CCDC146: variants seen among roughly 807,000 people sequenced by gnomAD.
CCDC146 encodes the protein coiled-coil domain containing 146.
In CCDC146, 92 loss-of-function variants were observed where a neutral mutation model predicts 119.3. That is an observed-to-expected ratio of 0.77 (90% CI 0.65 to 0.92). CCDC146 has a LOEUF of 0.92. CCDC146 is among the 40% of genes least tolerant of loss of function. The probability of loss-of-function intolerance (pLI) is 0.00; values close to 1 mark genes in which losing one functional copy is unlikely to be tolerated. For synonymous variants in CCDC146, 372 were observed against 371.8 expected, an observed-to-expected ratio of 1.00 and a Z score of -0.01; for missense variants, 1,000 against 1,103.0, an observed-to-expected ratio of 0.91 and a Z score of 1.32.
At chr7:77,214,266 C>G (rs1218276039) in intron 2 of CCDC146, among the ~76,000 whole-genome samples, 1 of 152,110 alleles carries the variant, frequency 6.6e-6, no homozygotes, top group African/African-American at 2.4e-5. Context: ...TGGGAAGTGT[C>G]TGTTCATGTC....
intron 1 of CCDC146, among the ~76,000 whole-genome samples, chr7:77,129,589 A>G (rs1790753237): frequency 6.6e-6 from 1 of 152,066 alleles, no homozygotes; most frequent in Non-Finnish European, 1.5e-5. Flanking sequence ...TCAGTCATCC[A>G]CTGGGGATCT....
chr7:77,138,839 G>A (rs1562812739), intron 1 of CCDC146, among the ~76,000 whole-genome samples: 1 of 152,198 alleles, frequency 6.6e-6, no homozygotes. Context: ...TATTAGAATG[G>A]TCAAACTCCA....
In CCDC146 at chr7:77,294,682, A is replaced by G; in HGVS notation, c.2684A>G (p.Asn895Ser). ...TTGCAGGAGTTCTTGGAAGCAGATA[A>G]TCGCCAGCTGCCCAATGGTGTTTAC... ...EKSQEFLEAD[N>S]RQLPNGVYTT... The change falls in exon 19 of 19, where the codon AAT becomes AGT. Residue 895 changes from asparagine (N) to serine (S), a missense_variant. Asn to Ser is a conservative substitution (Grantham distance 46). Transcript: ENST00000285871. 6.2e-7 allele frequency: 1 copy of G among 1,614,184 alleles called. No individual in the cohort carries two copies. Among genetic ancestry groups the G allele is most frequent in the South Asian group, 1.1e-5 (1 of 91,082 alleles).
At chr7:77,259,331 A>G (rs1353544345) in intron 7 of CCDC146, 2 of 363,070 alleles carry the variant, frequency 5.5e-6, no homozygotes, top group East Asian at 5.5e-5. Context: ...GAGAAGTTCA[A>G]TTGACTTTAA....
chr7:77,225,451 G>C (rs190918467), intron 2 of CCDC146, among the ~76,000 whole-genome samples: 6 of 152,138 alleles, frequency 3.9e-5, no homozygotes, highest in South Asian at 2.1e-4. Flanking sequence ...TACTTGGGAG[G>C]CTGAGGCAGG....
intron 9 of CCDC146, among the ~76,000 whole-genome samples, chr7:77,263,970 T>C (rs1353759042): frequency 6.6e-6 from 1 of 152,198 alleles, no homozygotes; most frequent in Non-Finnish European, 1.5e-5. Flanking sequence ...AAATGTACTT[T>C]TATAGTCTTT....
At chr7:77,287,005 G>A (rs1272572173) in intron 16 of CCDC146, 79 bp downstream of exon 16, 4 of 1,477,540 alleles carry the variant, frequency 2.7e-6, no homozygotes, top group African/African-American at 2.8e-5. Context: ...ACTGTTTCAT[G>A]TTATGCTGAC....
At chr7:77,214,427 T>G (rs533820558) in intron 2 of CCDC146, among the ~76,000 whole-genome samples, 28 of 152,350 alleles carry the variant, frequency 1.8e-4, no homozygotes, top group African/African-American at 5.5e-4. Flanking sequence ...GATTGTTTCT[T>G]TGCTGTGCTG....
chr7:77,178,043 G>T (rs1345661539), intron 2 of CCDC146, among the ~76,000 whole-genome samples: 1 of 152,206 alleles, frequency 6.6e-6, no homozygotes, highest in East Asian at 1.9e-4. Context: ...CATTTACAAA[G>T]ATTGAATATT....
At chr7:77,209,920 G>A (rs1471718345) in intron 2 of CCDC146, among the ~76,000 whole-genome samples, 1 of 152,202 alleles carries the variant, frequency 6.6e-6, no homozygotes, top group Non-Finnish European at 1.5e-5. Flanking sequence ...ACAGAGCAGT[G>A]GGGCCCTAGG....
At chr7:77,172,676 C>A (rs575596324) in intron 2 of CCDC146, among the ~76,000 whole-genome samples, 2 of 152,106 alleles carry the variant, frequency 1.3e-5, no homozygotes, top group African/African-American at 4.8e-5. Context: ...TATGTTGTTC[C>A]GCTCAGCAGG....
intron 17 of CCDC146, among the ~76,000 whole-genome samples, chr7:77,291,333 G>C (rs866812501): frequency 2.2e-4 from 33 of 150,952 alleles, no homozygotes; most frequent in African/African-American, 7.5e-4. Context: ...CTTCTTTCCT[G>C]ACTCTTGAGA....
chr7:77,256,942 A>G (rs1014095170), intron 6 of CCDC146, among the ~76,000 whole-genome samples: 1 of 152,152 alleles, frequency 6.6e-6, no homozygotes. Context: ...TGTCTCTACT[A>G]AAAATACAAA....
intron 2 of CCDC146, among the ~76,000 whole-genome samples, chr7:77,211,194 A>G (rs1792175533): frequency 6.6e-6 from 1 of 152,130 alleles, no homozygotes; most frequent in South Asian, 2.1e-4. Context: ...CCTCTAACAT[A>G]GCGACTATCC....
At chr7:77,149,783 AAGCGAG>A (rs1791082166) in intron 1 of CCDC146, among the ~76,000 whole-genome samples, 1 of 133,974 alleles carries the variant, frequency 7.5e-6, no homozygotes, top group African/African-American at 3.3e-5. Context: ...AGAAAAAAAA[AAGCGAG>A]AGAGAGAGAG....
chr7:77,263,145 T>C (rs1289804511), intron 9 of CCDC146, among the ~76,000 whole-genome samples: 1 of 152,220 alleles, frequency 6.6e-6, no homozygotes, highest in Admixed American at 6.5e-5. Flanking sequence ...TCCTAACCTA[T>C]GCCTAGTTCT....
chr7:77,245,153 A>G (rs1792924845), intron 4 of CCDC146, among the ~76,000 whole-genome samples: 1 of 152,236 alleles, frequency 6.6e-6, no homozygotes, highest in African/African-American at 2.4e-5. Flanking sequence ...GTTAGTAATT[A>G]AATCTATGTT....
In CCDC146 at chr7:77,294,886, C is replaced by G. The variant is rs990165740; in HGVS notation, c.*20C>G. On this transcript the variant is annotated 3_prime_UTR_variant, in exon 19 of 19. Transcript: ENST00000285871. ...ATCTGAATATGTGAACAAATCCAGG[C>G]CTCTCAAGGAAAAGACTTCAACCAG... The G allele has an allele frequency of 6.3e-7, 1 of 1,599,862 alleles. No homozygotes were observed. The highest frequency in any genetic ancestry group is 1.7e-5 in the Admixed American group (1 of 59,406).
intron 2 of CCDC146, among the ~76,000 whole-genome samples, chr7:77,178,237 TC>T (rs1791529825): frequency 6.6e-6 from 1 of 152,222 alleles, no homozygotes; most frequent in Non-Finnish European, 1.5e-5. Context: ...TGGCCAGGAA[TC>T]TGGGGTATTG....
Sources: allele counts gnomAD v4.1 joint callset (sites outside exome capture counted in the v4.1 genomes callset), GRCh38; gene constraint gnomAD v4.1.1; transcripts MANE v1.5; gene names NCBI Gene and HGNC (gene_info 2026-07-23, HGNC 2026-07-21).